GATAD2B: variants seen among roughly 807,000 people sequenced by gnomAD.
GATAD2B encodes the protein GATA zinc finger domain containing 2B, also known as transcriptional repressor p66-beta.
Under a neutral mutation model 64.3 loss-of-function variants are expected in GATAD2B, and 8 were observed. The ratio of observed to expected loss-of-function variants is 0.12; its 90% CI spans 0.07 to 0.22. The LOEUF (loss-of-function observed/expected upper bound fraction) is 0.22, where lower values mean the gene tolerates loss of function less well. Among genes scored for constraint, GATAD2B ranks in the 10% least tolerant of loss-of-function variants. The probability of loss-of-function intolerance (pLI) is 1.00; values close to 1 mark genes in which losing one functional copy is unlikely to be tolerated. For synonymous variants in GATAD2B, 281 were observed against 271.3 expected (o/e 1.04, Z -0.35); for missense variants, 453 against 752.0 (o/e 0.60, Z 4.65).
intron 1 of GATAD2B, among the ~76,000 whole-genome samples, chr1:153,919,615 ACAC>A (rs773695910): frequency 3.9e-5 from 6 of 152,226 alleles, no homozygotes; most frequent in Non-Finnish European, 7.3e-5. Context: ...AATAGAAGAT[ACAC>A]CACAAAATCC....
intron 7 of GATAD2B, among the ~76,000 whole-genome samples, chr1:153,815,751 C>A (rs1403364261): frequency 6.6e-6 from 1 of 152,116 alleles, no homozygotes; most frequent in Non-Finnish European, 1.5e-5. Context: ...GATACATAGG[C>A]AGGCTGGCCC....
rs1674165659 is a variant in GATAD2B, at chr1:153,808,132, TAC to T, written c.*2043_*2044del. The T allele has an allele frequency of 6.6e-6, 1 of 152,478 alleles. No homozygotes were observed. Among genetic ancestry groups the T allele is most frequent in the South Asian group, 2.1e-4 (1 of 4,818 alleles). The allele number at this position is 152,478 out of a possible 1,614,324, so 9.4% of individuals were successfully genotyped here. A position where few individuals can be genotyped will look rare whatever the true frequency, so the allele number is the denominator to read the frequency against. ...TAACCCCCCTCCCTCTCCCACCACT[TAC>T]AGTCAGGGGTACCACATTCCCCGGA... On this transcript the variant is annotated 3_prime_UTR_variant, in exon 11 of 11. Coordinates refer to ENST00000368655, the MANE Select transcript of GATAD2B (RefSeq NM_020699.4).
intron 2 of GATAD2B, chr1:153,827,502 G>A (rs1674927219): frequency 6.4e-6 from 1 of 157,382 alleles, no homozygotes; most frequent in African/African-American, 2.4e-5. Context: ...GAATGTATAT[G>A]TATATGGGGG....
chr1:153,901,819 T>C (rs1437124609), intron 1 of GATAD2B, among the ~76,000 whole-genome samples: 1 of 127,012 alleles, frequency 7.9e-6, no homozygotes, highest in Non-Finnish European at 1.7e-5. Context: ...GCAAAACTCT[T>C]GCTAAAAATA....
chr1:153,857,137 C>CATAT (rs10563350), intron 1 of GATAD2B, among the ~76,000 whole-genome samples: 2,023 of 98,184 alleles, frequency 0.021, 21 homozygotes, highest in Middle Eastern at 0.032. Context: ...TATGCATATG[C>CATAT]ATATATATAT....
intron 1 of GATAD2B, chr1:153,889,544 G>A (rs147913831): frequency 1.2e-3 from 186 of 157,082 alleles, no homozygotes; most frequent in East Asian, 9.6e-4. Flanking sequence ...TCCAATTATC[G>A]GAATTTCAAG....
chr1:153,876,873 G>A (rs1185618556), intron 1 of GATAD2B, among the ~76,000 whole-genome samples: 1 of 152,018 alleles, frequency 6.6e-6, no homozygotes, highest in Non-Finnish European at 1.5e-5. Context: ...CATGGTGGCA[G>A]GCGCCTGTAA....
At chr1:153,909,586 G>A (rs1330835155) in intron 1 of GATAD2B, among the ~76,000 whole-genome samples, 2 of 151,372 alleles carry the variant, frequency 1.3e-5, no homozygotes, top group Non-Finnish European at 2.9e-5. Context: ...CAGATCACAA[G>A]TCAAAAGATC....
At chr1:153,883,316 A>G (rs1677063685) in intron 1 of GATAD2B, among the ~76,000 whole-genome samples, 1 of 152,240 alleles carries the variant, frequency 6.6e-6, no homozygotes, top group Admixed American at 6.5e-5. Flanking sequence ...ATCAAAACTA[A>G]GTAGTACTGG....
intron 1 of GATAD2B, among the ~76,000 whole-genome samples, 182 bp downstream of exon 1, chr1:153,922,551 A>T (rs1020440478): frequency 3.9e-5 from 4 of 103,512 alleles, no homozygotes; most frequent in Non-Finnish European, 7.9e-5. Flanking sequence ...GGGGAGGGGG[A>T]CGCAAGGCGG....
At chr1:153,842,528 A>G (rs1386327882) in intron 1 of GATAD2B, among the ~76,000 whole-genome samples, 1 of 130,292 alleles carries the variant, frequency 7.7e-6, no homozygotes, top group East Asian at 1.9e-4. Context: ...TTTATTGCAT[A>G]TACATGTAAT....
chr1:153,822,180 C>CA (rs1364789037), intron 2 of GATAD2B, among the ~76,000 whole-genome samples: 2 of 151,334 alleles, frequency 1.3e-5, no homozygotes, highest in South Asian at 2.1e-4. Flanking sequence ...AACTCTGTCT[C>CA]AAAAAAATTA....
At chr1:153,921,496 GC>G (rs904290645) in intron 1 of GATAD2B, among the ~76,000 whole-genome samples, 3 of 151,956 alleles carry the variant, frequency 2.0e-5, no homozygotes, top group African/African-American at 7.3e-5. Flanking sequence ...TTGCAGTCTG[GC>G]CTGAAAACAC....
chr1:153,846,719 CCTGG>C (rs1675702093), intron 1 of GATAD2B, among the ~76,000 whole-genome samples: 1 of 151,924 alleles, frequency 6.6e-6, no homozygotes, highest in African/African-American at 2.4e-5. Flanking sequence ...CGCCACCACT[CCTGG>C]CTAATTTTTG....
At chr1:153,818,574 A>C (rs1270929957) in intron 4 of GATAD2B, among the ~76,000 whole-genome samples, 1 of 151,830 alleles carries the variant, frequency 6.6e-6, no homozygotes, top group Admixed American at 6.6e-5. Flanking sequence ...TCGGCCTCCC[A>C]AAGTGCTGGA....
intron 1 of GATAD2B, among the ~76,000 whole-genome samples, chr1:153,850,045 CTTA>C (rs969306344): frequency 2.4e-4 from 36 of 152,060 alleles, no homozygotes; most frequent in African/African-American, 8.7e-4. Context: ...GAGCTGTTTT[CTTA>C]TTTTTTGTCA....
intron 1 of GATAD2B, among the ~76,000 whole-genome samples, chr1:153,891,608 G>A (rs1284150166): frequency 8.0e-6 from 1 of 124,742 alleles, no homozygotes; most frequent in Non-Finnish European, 1.7e-5. Context: ...AGAGGTGGGG[G>A]GGAGAGGCAA....
At chr1:153,909,469 G>A (rs1571007119) in intron 1 of GATAD2B, among the ~76,000 whole-genome samples, 1 of 151,620 alleles carries the variant, frequency 6.6e-6, no homozygotes, top group East Asian at 2.0e-4. Context: ...TAAAGTGCTG[G>A]GATTACAGGC....
rs777751193 is a variant in GATAD2B, at chr1:153,818,751, CT to C, written c.597+39del. ...GGAACCTACTCTCAAACCAGTTTTT[CT>C]TTCCTTTCCCTTAGTCCCTTATTTC... On this transcript the variant is annotated intron_variant, in intron 4 of 10. Coordinates refer to ENST00000368655, the MANE Select transcript of GATAD2B (RefSeq NM_020699.4). The C allele has an allele frequency of 5.6e-6, 9 of 1,594,618 alleles. 1 individual carries two copies. In the East Asian group the frequency reaches 6.7e-5, roughly 12 times the overall value.
Sources: gnomAD v4.1 joint callset for allele counts (sites outside exome capture counted in the v4.1 genomes callset) on GRCh38, gnomAD v4.1.1 for gene constraint, MANE v1.5 for transcripts, NCBI Gene and HGNC (gene_info 2026-07-23, HGNC 2026-07-21) for gene names.